CIBAR2: variants seen among roughly 807,000 people sequenced by gnomAD.
CIBAR2 encodes CBY1-interacting BAR domain-containing protein 2.
Under a neutral mutation model 36.2 loss-of-function variants are expected in CIBAR2, and 38 were observed. The ratio of observed to expected loss-of-function variants is 1.05; its 90% CI spans 0.81 to 1.38. The LOEUF (loss-of-function observed/expected upper bound fraction) is 1.38, where lower values mean the gene tolerates loss of function less well. Ranked by LOEUF, CIBAR2 falls within the 40% of genes most tolerant of loss-of-function variation. CIBAR2 has a pLI of 0.00. For synonymous variants in CIBAR2, 182 were observed against 149.5 expected (o/e 1.22, Z -1.58); for missense variants, 481 against 383.4 (o/e 1.25, Z -2.13).
intron 6 of CIBAR2, 28 bp downstream of exon 6, chr16:85,105,299 G>T (rs72807606): frequency 3.5e-6 from 5 of 1,438,236 alleles, no homozygotes; most frequent in Non-Finnish European, 3.9e-6. Flanking sequence ...AGCCCAGGGC[G>T]CCTCCCATCC....
Position 85,098,636 on chromosome 16 carries a change from T to G in CIBAR2, c.*549A>C. The G allele has an allele frequency of 4.1e-6, 4 of 985,694 alleles. No homozygotes were observed. The highest frequency in any genetic ancestry group is 4.8e-6 in the Non-Finnish European group (4 of 829,840). The allele number at this position is 985,694 out of a possible 1,614,324, so 61.1% of individuals were successfully genotyped here. A position where few individuals can be genotyped will look rare whatever the true frequency, so the allele number is the denominator to read the frequency against. On this transcript the variant is annotated 3_prime_UTR_variant, in exon 9 of 9. Coordinates refer to ENST00000539556, the MANE Select transcript of CIBAR2 (RefSeq NM_198491.3). ...GCCTCCTCCATGGAGTTGTCCTCACTCTCCTCCCCTTCTTTTCCTGGGCTC... is the reference window on the plus strand; with the variant it reads ...GCCTCCTCCATGGAGTTGTCCTCACGCTCCTCCCCTTCTTTTCCTGGGCTC...
rs199848487 is a variant in CIBAR2 at position 85,102,281 on chromosome 16, T to G, written c.584A>C (p.Lys195Thr). The G allele has an allele frequency of 1.9e-6, 3 of 1,613,886 alleles. No individual in the cohort carries two copies. In the African/African-American group the frequency reaches 4.0e-5, roughly 22 times the overall value. The change falls in exon 7 of 9, where the codon AAA becomes ACA. Residue 195 changes from lysine (K) to threonine (T), a missense_variant. By Grantham distance (78) the Lys-to-Thr change is moderately conservative (BLOSUM62 -1). Coordinates refer to ENST00000539556, the MANE Select transcript of CIBAR2 (RefSeq NM_198491.3). ...FVTIEMVFHA[K>T]AVEVYSSAFQ... The stretch of plus-strand genomic sequence containing the variant: ...GGCGCTAGAATACACCTCCACCGCT[T>G]TGGCATGGAAAACCATCTCAATAGT...
At chr16:85,105,147 G>T (rs1332749897) in intron 6 of CIBAR2, among the ~76,000 whole-genome samples, 180 bp downstream of exon 6, 2 of 152,254 alleles carry the variant, frequency 1.3e-5, no homozygotes, top group Admixed American at 1.3e-4. Flanking sequence ...CTGTGGCCAG[G>T]ATTAACTGTG....
In CIBAR2 at chr16:85,098,904, G is replaced by A. The variant is rs1016020796; in HGVS notation, c.*281C>T. 4.6e-5 allele frequency: 13 copies of A among 282,894 alleles called. No homozygotes were observed. The highest frequency in any genetic ancestry group is 1.3e-3 in the Middle Eastern group (1 of 798). The allele number at this position is 282,894 out of a possible 1,614,324, so 17.5% of individuals were successfully genotyped here. A position where few individuals can be genotyped will look rare whatever the true frequency, so the allele number is the denominator to read the frequency against. ...TAGGAGACTTTCCCAAGGTCACACC[G>A]CCGGGAGCAGTGGGCTCGGACCAAG... On this transcript the variant is annotated 3_prime_UTR_variant, in exon 9 of 9. Coordinates refer to ENST00000539556, the MANE Select transcript of CIBAR2 (RefSeq NM_198491.3).
rs779868996 is a variant in CIBAR2 at position 85,110,225 on chromosome 16, C to T, written c.255+1G>A. ...CCCAGACCCGGGCCGGCAGCACTCA[C>T]CTGGGCCTGCCGGTAATCCTGCACT... On this transcript the variant is annotated splice_donor_variant, in intron 2 of 8. Transcript: ENST00000539556. LOFTEE classifies it high-confidence loss of function. 22 of 1,557,422 alleles carry T rather than the reference C, an allele frequency of 1.4e-5. No individual in the cohort carries two copies. In the Middle Eastern group the frequency reaches 5.2e-4, roughly 37 times the overall value.
In CIBAR2 at chr16:85,110,288, G is replaced by C. The variant is rs1439309004; in HGVS notation, c.193C>G (p.Arg65Gly). Reference protein sequence around the residue: ...DFANSENPELRATMRGFAEDL... With the variant: ...DFANSENPELGATMRGFAEDL... Reference sequence around the variant, plus strand: ...TCAGCGAAGCCCCTCATGGTGGCCCGCAGCTCGGGGTTCTCGGAGTTGGCA... The same window carrying C: ...TCAGCGAAGCCCCTCATGGTGGCCCCCAGCTCGGGGTTCTCGGAGTTGGCA... Residue 65 changes from arginine to glycine, a missense_variant, in exon 2 of 9, where the codon CGG becomes GGG. By Grantham distance (125) the Arg-to-Gly change is moderately radical (BLOSUM62 -2). Coordinates refer to ENST00000539556, the MANE Select transcript of CIBAR2 (RefSeq NM_198491.3). 2 of 1,609,256 alleles carry C rather than the reference G, an allele frequency of 1.2e-6. No homozygotes were observed. The highest frequency in any genetic ancestry group is 1.7e-6 in the Non-Finnish European group (2 of 1,177,090).
At chr16:85,101,116 A>G (rs936825494) in intron 7 of CIBAR2, among the ~76,000 whole-genome samples, 7 of 152,060 alleles carry the variant, frequency 4.6e-5, no homozygotes, top group African/African-American at 1.2e-4. Context: ...CCCCATGGAA[A>G]AGCCGTGGGC....
chr16:85,102,197 G>A lies in CIBAR2; in HGVS notation c.651+17C>T, dbSNP rs2073960638. On this transcript the variant is annotated intron_variant, in intron 7 of 8. Transcript: ENST00000539556. ...GCCCCACTCCACCATATAGGAAACG[G>A]GGTGTCTGTGACTCACCAGTAGATC... is the stretch of plus-strand genomic sequence containing the variant. 1 of 1,385,708 alleles carries A rather than the reference G, an allele frequency of 7.2e-7. No individual in the cohort carries two copies. The highest frequency in any genetic ancestry group is 1.4e-5 in the African/African-American group (1 of 70,212). The allele number at this position is 1,385,708 out of a possible 1,614,324, so 85.8% of individuals were successfully genotyped here.
chr16:85,105,637 T>G (rs2073990401), intron 5 of CIBAR2, among the ~76,000 whole-genome samples: 1 of 152,198 alleles, frequency 6.6e-6, no homozygotes, highest in Admixed American at 6.5e-5. Context: ...CACACCTGCT[T>G]GCTAGCTGTG....
At position 85,099,191 on chromosome 16, in the gene CIBAR2, A is replaced by G; in HGVS notation, c.909T>C (p.Ser303=). 1 of 1,576,798 alleles carries G rather than the reference A, an allele frequency of 6.3e-7. No homozygotes were observed. The highest frequency in any genetic ancestry group is 8.6e-7 in the Non-Finnish European group (1 of 1,162,882). The change falls in exon 9 of 9, where the codon TCT becomes TCC. Residue 303 remains serine (S), a synonymous_variant. Coordinates refer to ENST00000539556, the MANE Select transcript of CIBAR2 (RefSeq NM_198491.3). ...TTGCACTTACCCTACGTCGTTAGAGAGAATGTCCTGGAAGCATGAGATGCC... is the reference window on the plus strand; with the variant it reads ...TTGCACTTACCCTACGTCGTTAGAGGGAATGTCCTGGAAGCATGAGATGCC... ...QGGHLMLPGH[S]L is the part of the protein sequence containing the mutation.
chr16:85,099,376 G>A (rs759174035), intron 8 of CIBAR2, 30 bp from the exon 9 acceptor site: 2 of 1,205,576 alleles, frequency 1.7e-6, no homozygotes, highest in Non-Finnish European at 2.5e-6. Context: ...CCTGATGGCA[G>A]GCCTTCCTGG....
chr16:85,099,398 A>ACAT, intron 8 of CIBAR2, 52 bp from the exon 9 acceptor site: 1 of 1,021,972 alleles, frequency 9.8e-7, no homozygotes, highest in Non-Finnish European at 1.5e-6. Flanking sequence ...GCTGTAAGGT[A>ACAT]ACATCTAATG....
chr16:85,100,366 TC>T, intron 7 of CIBAR2, 126 bp from the exon 8 acceptor site: 1 of 602,774 alleles, frequency 1.7e-6, no homozygotes, highest in Non-Finnish European at 3.0e-6. Context: ...AACTCCACGG[TC>T]CTCTCCAGGA....
chr16:85,111,330 G>A (rs1567563494), intron 1 of CIBAR2, among the ~76,000 whole-genome samples: 1 of 152,194 alleles, frequency 6.6e-6, no homozygotes, highest in Non-Finnish European at 1.5e-5. Flanking sequence ...AGGTGCTGCT[G>A]GTATCACCAT....
intron 2 of CIBAR2, among the ~76,000 whole-genome samples, chr16:85,109,222 G>A (rs2074021624): frequency 6.6e-6 from 1 of 152,242 alleles, no homozygotes; most frequent in East Asian, 1.9e-4. Flanking sequence ...ACCAGCCTGG[G>A]CCACATGGCG....
rs2074010701 is a variant in CIBAR2, at chr16:85,108,021, C to T, written c.324+10G>A. On this transcript the variant is annotated intron_variant, in intron 3 of 8. Coordinates refer to ENST00000539556, the MANE Select transcript of CIBAR2 (RefSeq NM_198491.3). ...AGGGATGCCACCCACACCGAGGTGC[C>T]CCGGCTCACCCGTGTCTGCTTGATC... is the stretch of plus-strand genomic sequence containing the variant. 1.2e-6 allele frequency: 2 copies of T among 1,613,794 alleles called. No individual in the cohort carries two copies. The highest frequency in any genetic ancestry group is 2.7e-5 in the African/African-American group (2 of 75,050).
At position 85,099,135 on chromosome 16, in the gene CIBAR2, G is replaced by A. The variant is rs761702942; in HGVS notation, c.*50C>T. On this transcript the variant is annotated 3_prime_UTR_variant, in exon 9 of 9. Transcript: ENST00000539556. ...CAGAAAATAAGAACAAAGCCTCCAG[G>A]CAGTCTGGGATTATTTTAAACGGCT... The A allele has an allele frequency of 1.4e-6, 2 of 1,452,954 alleles. No homozygotes were observed. The highest frequency in any genetic ancestry group is 2.6e-5 in the East Asian group (1 of 38,590). 90.0% of individuals were successfully genotyped at this position (1,452,954 alleles called of 1,614,324 possible).
At chr16:85,106,844 C>T (rs2073999578) in intron 5 of CIBAR2, among the ~76,000 whole-genome samples, 1 of 152,200 alleles carries the variant, frequency 6.6e-6, no homozygotes, top group South Asian at 2.1e-4. Context: ...AGGTGAGGAC[C>T]GCTGACTTAG....
intron 8 of CIBAR2, 129 bp downstream of exon 8, chr16:85,100,010 C>T: frequency 2.9e-6 from 2 of 700,742 alleles, no homozygotes; most frequent in Non-Finnish European, 4.8e-6. Flanking sequence ...ACCACCCCTG[C>T]CTCCTCAGCC....
Sources: allele counts gnomAD v4.1 joint callset (sites outside exome capture counted in the v4.1 genomes callset), GRCh38; gene constraint gnomAD v4.1.1; transcripts MANE v1.5; gene names NCBI Gene and HGNC (gene_info 2026-07-23, HGNC 2026-07-21).